Variants in APTX observed in about 807,000 individuals in gnomAD.
The protein encoded by APTX is aprataxin.
APTX carries 33 observed loss-of-function variants against 42.3 expected under a neutral mutation model. The ratio of observed to expected loss-of-function variants is 0.78; its 90% CI spans 0.59 to 1.04. APTX has a LOEUF of 1.04. APTX is among the 50% of genes least tolerant of loss of function. The probability of loss-of-function intolerance (pLI) is 0.00; values close to 1 mark genes in which losing one functional copy is unlikely to be tolerated. For missense variants in APTX, 421 were observed against 415.1 expected (o/e 1.01, Z -0.12); for synonymous variants, 130 against 146.7 (o/e 0.89, Z 0.82).
chr9:32,973,682 A>G, intron 7 of APTX, 30 bp from the exon 8 acceptor site: 1 of 1,606,404 alleles, frequency 6.2e-7, no homozygotes, highest in Non-Finnish European at 8.5e-7. Flanking sequence ...GTCAAATCCC[A>G]GCTACTCTGG....
rs146302849 is a variant in APTX at position 32,982,022 on chromosome 9, G to A, written c.770+2609C>T. Among the ~76,000 whole-genome samples, 540 of 151,368 alleles carry A rather than the reference G, an allele frequency of 3.6e-3. 4 individuals are homozygous for A. The highest frequency in any genetic ancestry group is 0.012 in the African/African-American group (515 of 41,276). On this transcript the variant is annotated intron_variant, in intron 6 of 7. Coordinates refer to ENST00000379817, the MANE Select transcript of APTX (RefSeq NM_001195248.2). ...AAAAAAAAAAACAGTAATTTTGAAG[G>A]TGAAAACCTGGCAGACACCACCTTA...
intron 6 of APTX, among the ~76,000 whole-genome samples, chr9:32,975,103 G>A (rs193016955): frequency 2.0e-5 from 3 of 152,224 alleles, no homozygotes; most frequent in Admixed American, 1.3e-4. Context: ...GGGGCCCTGA[G>A]ATGAGGAAAA....
chr9:32,996,312 T>C (rs1834924659), intron 1 of APTX, among the ~76,000 whole-genome samples: 1 of 149,834 alleles, frequency 6.7e-6, no homozygotes, highest in Non-Finnish European at 1.5e-5. Flanking sequence ...GGTCTCACTC[T>C]GTTGCCCAGA....
In APTX at chr9:33,001,583, CG is replaced by C; in HGVS notation, c.-22del. ...CCGCCTTACCTCCAGAAGTCGGAGACGGACAAATTCACGTTACTCATCTGTG... is the reference window on the plus strand; with the variant it reads ...CCGCCTTACCTCCAGAAGTCGGAGACGACAAATTCACGTTACTCATCTGTG... On this transcript the variant is annotated 5_prime_UTR_variant, in exon 1 of 8. Transcript: ENST00000379817. The C allele has an allele frequency of 1.2e-6, 2 of 1,613,960 alleles. No individual in the cohort carries two copies. The highest frequency in any genetic ancestry group is 1.7e-6 in the Non-Finnish European group (2 of 1,180,030).
intron 4 of APTX, 90 bp downstream of exon 4, chr9:32,987,454 C>T: frequency 4.6e-6 from 7 of 1,529,550 alleles, no homozygotes; most frequent in Non-Finnish European, 4.5e-6. Context: ...ACCCCTCACG[C>T]ATTTCTGAAC....
intron 4 of APTX, chr9:32,986,270 AGCGGCGTGATCACTGCAACC>A: frequency 3.3e-6 from 2 of 611,700 alleles, no homozygotes; most frequent in South Asian, 3.1e-5. Context: ...GCTGGAGTGC[AGCGGCGTGATCACTGCAACC>A]TCCGAAGTGA....
At chr9:32,976,626 A>C (rs973259730) in intron 6 of APTX, among the ~76,000 whole-genome samples, 6 of 152,242 alleles carry the variant, frequency 3.9e-5, no homozygotes, top group African/African-American at 1.4e-4. Context: ...GCATTATACT[A>C]ACATTTTCTT....
At chr9:32,993,743 C>G (rs1005227085) in intron 1 of APTX, among the ~76,000 whole-genome samples, 1 of 133,544 alleles carries the variant, frequency 7.5e-6, no homozygotes, top group African/African-American at 2.8e-5. Context: ...TTTTTTGAGA[C>G]AGAGTTTTGC....
At chr9:32,984,574 A>C (rs1358434906) in intron 6 of APTX, 57 bp downstream of exon 6, 1 of 1,553,264 alleles carries the variant, frequency 6.4e-7, no homozygotes, top group Non-Finnish European at 8.9e-7. Context: ...CCCAGGCTGA[A>C]TCTATCTGCC....
intron 1 of APTX, among the ~76,000 whole-genome samples, chr9:33,012,187 T>A (rs1837587109): frequency 6.6e-6 from 1 of 152,176 alleles, no homozygotes; most frequent in Admixed American, 6.5e-5. Flanking sequence ...GTAACAAAAA[T>A]TTTAACCACC....
intron 2 of APTX, among the ~76,000 whole-genome samples, chr9:32,989,114 C>A (rs1029189535): frequency 6.6e-6 from 1 of 152,272 alleles, no homozygotes; most frequent in African/African-American, 2.4e-5. Context: ...CTTGGGCCTA[C>A]TCAGCTCAAG....
intron 6 of APTX, among the ~76,000 whole-genome samples, chr9:32,978,274 C>T (rs984646495): frequency 1.3e-5 from 2 of 152,170 alleles, no homozygotes; most frequent in Admixed American, 1.3e-4. Context: ...GTGCAGCATT[C>T]CTTCTTCCCA....
At chr9:32,978,928 C>T (rs1830068359) in intron 6 of APTX, among the ~76,000 whole-genome samples, 2 of 152,158 alleles carry the variant, frequency 1.3e-5, no homozygotes, top group Non-Finnish European at 2.9e-5. Context: ...TATGATTGGG[C>T]TTCTGTCCCA....
chr9:33,019,388 TA>T lies in APTX; in HGVS notation c.-5+5634del, dbSNP rs553512025. ...TGGCCCCAGTTAATTAAAAACTAAATATTCTAAGAAATTTAAATTAATTTAT... is the reference window on the plus strand; with the variant it reads ...TGGCCCCAGTTAATTAAAAACTAAATTTCTAAGAAATTTAAATTAATTTAT... On this transcript the variant is annotated intron_variant, in intron 1 of 6. Coordinates refer to the APTX transcript ENST00000436040. 3.6e-4 allele frequency among the ~76,000 whole-genome samples: 55 copies of T among 152,280 alleles called. 1 individual carries two copies. The East Asian group carries it at 9.8e-3, about 27-fold the overall frequency.
In APTX at chr9:32,987,593, C is replaced by T; in HGVS notation, c.434G>A (p.Gly145Asp). 1.2e-6 allele frequency: 2 copies of T among 1,614,170 alleles called. No homozygotes were observed. Among genetic ancestry groups the T allele is most frequent in the East Asian group, 2.2e-5 (1 of 44,892 alleles). The change falls in exon 4 of 8, where the codon GGC (glycine) becomes GAC (aspartate). Residue 145 changes from glycine to aspartate, a missense_variant. Gly to Asp is a moderately conservative substitution (Grantham distance 94, BLOSUM62 -1). Transcript: ENST00000379817. The stretch of plus-strand genomic sequence containing the variant: ...CTTCTTTAGGGGCACAGAGCATTGG[C>T]CAGAGTTGCTCCCAGGTTCCAGCCC... ...GTGLEPGSNS[G>D]QCSVPLKKGK...
intron 1 of APTX, among the ~76,000 whole-genome samples, chr9:32,990,264 C>T (rs1833271967): frequency 6.6e-6 from 1 of 152,174 alleles, no homozygotes; most frequent in Non-Finnish European, 1.5e-5. Context: ...CCTCCACCTT[C>T]CGGGTTCAAG....
At position 32,974,564 on chromosome 9, in the gene APTX, A is replaced by G. The variant is rs1563945108; in HGVS notation, c.771-3T>C. Reference sequence around the variant, plus strand: ...TGATCACATGAAGATGTACATGGCTAGTTGAAAGAAAAAAAAACTGAGCAT... The same window carrying G: ...TGATCACATGAAGATGTACATGGCTGGTTGAAAGAAAAAAAAACTGAGCAT... On this transcript the variant is annotated splice_polypyrimidine_tract_variant and splice_region_variant and intron_variant, in intron 6 of 7. Transcript: ENST00000379817. The G allele has an allele frequency of 1.3e-6, 2 of 1,528,358 alleles. No individual in the cohort carries two copies. Among genetic ancestry groups the G allele is most frequent in the Admixed American group, 1.9e-5 (1 of 53,430 alleles). The allele number at this position is 1,528,358 out of a possible 1,614,324, so 94.7% of individuals were successfully genotyped here.
Position 32,987,739 on chromosome 9 carries a change from A to T in APTX, c.288T>A (p.Tyr96Ter), listed in dbSNP as rs1187155664. ...TTGCCTCTTCCTCAAACTCTACAAT[A>T]TATGGATAAAGTTCATTCACCATGT... ...VLHMVNELYP[Y>*]IVEFEEEAKN... The change falls in exon 4 of 8, where the codon TAT becomes TAA. Residue 96 changes from tyrosine to a stop codon, truncating the protein, a stop_gained. Transcript: ENST00000379817. LOFTEE classifies it high-confidence loss of function. The T allele has an allele frequency of 6.2e-7, 1 of 1,614,170 alleles. No individual in the cohort carries two copies. The highest frequency in any genetic ancestry group is 8.5e-7 in the Non-Finnish European group (1 of 1,180,026).
chr9:32,984,497 C>A, intron 6 of APTX, 134 bp downstream of exon 6: 1 of 856,364 alleles, frequency 1.2e-6, no homozygotes, highest in South Asian at 1.4e-5. Flanking sequence ...GAAGCTTCAG[C>A]CCACCTGCTT....
Sources: gnomAD v4.1 joint callset for allele counts (sites outside exome capture counted in the v4.1 genomes callset) on GRCh38, gnomAD v4.1.1 for gene constraint, MANE v1.5 for transcripts, NCBI Gene and HGNC (gene_info 2026-07-23, HGNC 2026-07-21) for gene names.